Variants in MTO1 observed in about 807,000 individuals in gnomAD.
MTO1 encodes the protein mitochondrial tRNA translation optimization 1, also known as 5-taurinomethyluridine-[tRNA] synthase subunit MTO1, mitochondrial.
A neutral mutation model predicts 71.6 loss-of-function variants in MTO1; 46 were observed. That is an observed-to-expected ratio of 0.64 (90% CI 0.51 to 0.82). MTO1 has a LOEUF of 0.82. Ranked by LOEUF, MTO1 falls within the 40% of genes least tolerant of loss-of-function variation. MTO1 has a pLI of 0.00. For missense variants in MTO1, 773 were observed against 867.5 expected, an observed-to-expected ratio of 0.89 and a Z score of 1.37; for synonymous variants, 297 against 312.1, an observed-to-expected ratio of 0.95 and a Z score of 0.51.
intron 4 of MTO1, among the ~76,000 whole-genome samples, chr6:73,474,823 T>C (rs1302995801): frequency 1.3e-5 from 2 of 151,526 alleles, no homozygotes; most frequent in Non-Finnish European, 2.9e-5. Flanking sequence ...TGGCGCAATC[T>C]CGGCTTACTG....
intron 6 of MTO1, chr6:73,480,405 G>A (rs757042498): frequency 1.4e-5 from 9 of 632,856 alleles, no homozygotes; most frequent in South Asian, 1.4e-4. Context: ...TGAGTAACTG[G>A]GATTACAGGC....
At chr6:73,483,524 A>C (rs1208219651) in intron 9 of MTO1, among the ~76,000 whole-genome samples, 1 of 152,090 alleles carries the variant, frequency 6.6e-6, no homozygotes, top group East Asian at 1.9e-4. Context: ...TAGAAGGCTC[A>C]AACCAAGAAA....
chr6:73,500,479 ATAAAC>A (rs1177960080), intron 11 of MTO1, 90 bp from the exon 12 acceptor site: 8 of 967,950 alleles, frequency 8.3e-6, no homozygotes, highest in Non-Finnish European at 1.1e-5. Flanking sequence ...AAAATATTGT[ATAAAC>A]TATACTATAC....
chr6:73,461,782 T>G lies in MTO1; in HGVS notation c.-73T>G. 1 of 1,495,918 alleles carries G rather than the reference T, an allele frequency of 6.7e-7. No individual in the cohort carries two copies. The highest frequency in any genetic ancestry group is 2.3e-5 in the East Asian group (1 of 43,652). 92.7% of individuals were successfully genotyped at this position (1,495,918 alleles called of 1,614,324 possible). On this transcript the variant is annotated 5_prime_UTR_variant, in exon 1 of 12. In the 5' UTR this introduces an upstream ATG that the reference lacks. Transcript: ENST00000498286. ...AGCAAGATGGCCGCGCCCTGCAGAT[T>G]GTCTCTTGTTGCGTAAGTTTTTTTG...
In MTO1 at chr6:73,480,838, G is replaced by C. The variant is rs777334217; in HGVS notation, c.1260+33G>C. The C allele has an allele frequency of 1.9e-6, 3 of 1,607,860 alleles. No homozygotes were observed. The African/African-American group carries it at 4.0e-5, about 22-fold the overall frequency. On this transcript the variant is annotated intron_variant, in intron 7 of 11. Coordinates refer to ENST00000498286, the MANE Select transcript of MTO1 (RefSeq NM_012123.4). ...GTTAAGATATTAATGTAAACTGAAA[G>C]GGACTATTTAACTGGTATTTCTCCT...
rs551462719 is a variant in MTO1, at chr6:73,497,309, C to T, written c.1757-427C>T. On this transcript the variant is annotated intron_variant, in intron 10 of 11. Transcript: ENST00000498286. ...CTGGGATTACAGGTGGATGCCACCA[C>T]GCCTGGCTAATTTTTTATATTTTTA... 9.9e-5 allele frequency among the ~76,000 whole-genome samples: 15 copies of T among 151,554 alleles called. No homozygotes were observed. In the East Asian group the frequency reaches 2.2e-3, roughly 22 times the overall value.
chr6:73,506,639 C>CT lies in MTO1; in HGVS notation c.*5907dup, dbSNP rs1166578024. Reference sequence around the variant, plus strand: ...GTTCCAATTAAAGTTTCAGGTATGTCTTTATCAGCAGCATGAAAATGAACT... The same window carrying CT: ...GTTCCAATTAAAGTTTCAGGTATGTCTTTTATCAGCAGCATGAAAATGAACT... On this transcript the variant is annotated 3_prime_UTR_variant, in exon 12 of 12. Coordinates refer to ENST00000498286, the MANE Select transcript of MTO1 (RefSeq NM_012123.4). The CT allele has an allele frequency of 1.4e-5, 2 of 140,308 alleles. No homozygotes were observed. The highest frequency in any genetic ancestry group is 3.1e-5 in the Non-Finnish European group (2 of 65,512). 8.7% of individuals were successfully genotyped at this position (140,308 alleles called of 1,614,324 possible). A position where few individuals can be genotyped will look rare whatever the true frequency, so the allele number is the denominator to read the frequency against.
chr6:73,489,804 C>T (rs951838842), intron 9 of MTO1, among the ~76,000 whole-genome samples: 1 of 152,100 alleles, frequency 6.6e-6, no homozygotes, highest in African/African-American at 2.4e-5. Flanking sequence ...CGTATATACC[C>T]AGTAATGGAA....
At chr6:73,467,968 G>A (rs143640682) in intron 3 of MTO1, among the ~76,000 whole-genome samples, 1,613 of 150,394 alleles carry the variant, frequency 0.011, 26 homozygotes, top group African/African-American at 0.037. Context: ...CTACAGGCAC[G>A]TACCACCATG....
intron 6 of MTO1, chr6:73,480,347 A>G: frequency 7.3e-6 from 5 of 687,756 alleles, no homozygotes; most frequent in Non-Finnish European, 1.3e-5. Context: ...ATCTCGGCTC[A>G]CCACAACCTC....
At position 73,503,136 on chromosome 6, in the gene MTO1, TCTCA is replaced by T. The variant is rs543493397; in HGVS notation, c.*2405_*2408del. 28 of 152,292 alleles carry T rather than the reference TCTCA, an allele frequency of 1.8e-4. No homozygotes were observed. Among genetic ancestry groups the T allele is most frequent in the African/African-American group, 6.3e-4 (26 of 41,570 alleles). 9.4% of individuals were successfully genotyped at this position (152,292 alleles called of 1,614,324 possible). A position where few individuals can be genotyped will look rare whatever the true frequency, so the allele number is the denominator to read the frequency against. On this transcript the variant is annotated 3_prime_UTR_variant, in exon 12 of 12. Coordinates refer to ENST00000498286, the MANE Select transcript of MTO1 (RefSeq NM_012123.4). ...ACTTCTTTATTTTTTAGAGACAGGG[TCTCA>T]CTCTGTTGCCCAGGCTGTAGTGCAG...
chr6:73,475,395 G>C (rs978898834), intron 4 of MTO1, among the ~76,000 whole-genome samples: 2 of 151,932 alleles, frequency 1.3e-5, no homozygotes, highest in Non-Finnish European at 2.9e-5. Context: ...CAATTCTCCT[G>C]CCTCAGCCTC....
chr6:73,472,936 A>C (rs1330147908), intron 3 of MTO1, among the ~76,000 whole-genome samples: 2 of 152,220 alleles, frequency 1.3e-5, no homozygotes, highest in African/African-American at 4.8e-5. Context: ...CTGTAGTTGT[A>C]ATGTAAAATA....
chr6:73,485,581 G>A (rs180901368), intron 9 of MTO1, among the ~76,000 whole-genome samples: 4 of 152,200 alleles, frequency 2.6e-5, no homozygotes, highest in African/African-American at 9.6e-5. Context: ...TGGGCCTACA[G>A]GCGCTTGCCA....
At chr6:73,492,837 TACAG>T (rs1193991644) in intron 10 of MTO1, 1 of 149,192 alleles carries the variant, frequency 6.7e-6, no homozygotes, top group Admixed American at 6.7e-5. Context: ...AAAAAGGAAA[TACAG>T]ACCCTCAGGC....
intron 11 of MTO1, among the ~76,000 whole-genome samples, chr6:73,498,299 C>CT (rs1772057365): frequency 6.6e-6 from 1 of 151,794 alleles, no homozygotes; most frequent in Non-Finnish European, 1.5e-5. Context: ...TAAAGCTTAA[C>CT]TTTAACTAAA....
chr6:73,494,007 C>T (rs1771913209), intron 10 of MTO1, among the ~76,000 whole-genome samples: 1 of 151,716 alleles, frequency 6.6e-6, no homozygotes, highest in Admixed American at 6.6e-5. Flanking sequence ...CTGAGGTGGG[C>T]AGATCACCTG....
rs1770828389 is a variant in MTO1, at chr6:73,461,913, T to C, written c.59T>C (p.Phe20Ser). The change falls in exon 1 of 12, where the codon TTT becomes TCT. Residue 20 changes from phenylalanine to serine, a missense_variant. Physicochemically the swap from Phe to Ser is radical, Grantham distance 155 (BLOSUM62 -2). Coordinates refer to ENST00000498286, the MANE Select transcript of MTO1 (RefSeq NM_012123.4). ...GCGGTTTCCTTCACCAAGCAGCAATTTCCGTTGGCACGGTTGAGCAGTGAC... is the reference window on the plus strand; with the variant it reads ...GCGGTTTCCTTCACCAAGCAGCAATCTCCGTTGGCACGGTTGAGCAGTGAC... ...WVAVSFTKQQ[F>S]PLARLSSDSA... 1 of 1,614,190 alleles carries C rather than the reference T, an allele frequency of 6.2e-7. No homozygotes were observed. Among genetic ancestry groups the C allele is most frequent in the African/African-American group, 1.3e-5 (1 of 75,074 alleles).
rs1292657450 is a variant in MTO1, at chr6:73,497,787, A to G, written c.1808A>G (p.Gln603Arg). ...CAACTACAAGAAATAAAGGGAGTTC[A>G]GCAAGATGAAGCTCTCCAACTGCCA... ...FHQLQEIKGV[Q>R]QDEALQLPKD... The change falls in exon 11 of 12, where the codon CAG becomes CGG. Residue 603 changes from glutamine to arginine, a missense_variant. Gln to Arg is a conservative substitution (Grantham distance 43). Coordinates refer to ENST00000498286, the MANE Select transcript of MTO1 (RefSeq NM_012123.4). 6.2e-7 allele frequency: 1 copy of G among 1,614,038 alleles called. No individual in the cohort carries two copies. Among genetic ancestry groups the G allele is most frequent in the Non-Finnish European group, 8.5e-7 (1 of 1,179,904 alleles).
Sources: allele counts gnomAD v4.1 joint callset (sites outside exome capture counted in the v4.1 genomes callset), GRCh38; gene constraint gnomAD v4.1.1; transcripts MANE v1.5; gene names NCBI Gene and HGNC (gene_info 2026-07-23, HGNC 2026-07-21).